TBXAS1: variants seen among roughly 807,000 people sequenced by gnomAD.
TBXAS1 encodes the protein thromboxane A synthase 1, also known as thromboxane-A synthase.
TBXAS1 carries 48 observed loss-of-function variants against 60.7 expected under a neutral mutation model. The ratio of observed to expected loss-of-function variants is 0.79; its 90% CI spans 0.63 to 1.01. The LOEUF (loss-of-function observed/expected upper bound fraction) is 1.01, where lower values mean the gene tolerates loss of function less well. Among genes scored for constraint, TBXAS1 ranks in the 50% least tolerant of loss-of-function variants. The probability of loss-of-function intolerance (pLI) is 0.00; values close to 1 mark genes in which losing one functional copy is unlikely to be tolerated. For missense variants in TBXAS1, 685 were observed against 686.3 expected (o/e 1.00, Z 0.02); for synonymous variants, 287 against 269.7 (o/e 1.06, Z -0.63).
Position 139,986,749 on chromosome 7 carries a change from ATATATATGTG to A in TBXAS1, c.1135-20340_1135-20331del, listed in dbSNP as rs1569522743. 3.9e-3 allele frequency among the ~76,000 whole-genome samples: 166 copies of A among 42,168 alleles called. 3 individuals carry two copies. Among genetic ancestry groups the A allele is most frequent in the African/African-American group, 0.013 (160 of 11,914 alleles). 27.7% of individuals were successfully genotyped at this position (42,168 alleles called of 152,430 possible). On this transcript the variant is annotated intron_variant, in intron 9 of 12. Transcript: ENST00000448866. ...TATATATATATATATACATACATAT[ATATATATGTG>A]TGTGTGTGTGTGTGTGTGTGTGTGT...
chr7:139,905,005 C>CTCTTTCTCTCTTTCTT (rs1554487120), intron 3 of TBXAS1, among the ~76,000 whole-genome samples: 80 of 90,470 alleles, frequency 8.8e-4, no homozygotes, highest in Middle Eastern at 5.0e-3. Context: ...CTCTCTTTCT[C>CTCTTTCTCTCTTTCTT]TCTTTCTTTC....
At chr7:140,001,428 G>T (rs1017482844) in intron 9 of TBXAS1, among the ~76,000 whole-genome samples, 1 of 152,188 alleles carries the variant, frequency 6.6e-6, no homozygotes, top group Non-Finnish European at 1.5e-5. Context: ...CCAAGGGCCT[G>T]TCACCCAGGC....
intron 3 of TBXAS1, among the ~76,000 whole-genome samples, chr7:139,887,352 A>G (rs1803192677): frequency 6.6e-6 from 1 of 152,210 alleles, no homozygotes; most frequent in South Asian, 2.1e-4. Context: ...TCGTGCAGCT[A>G]TCATCATCGT....
intron 1 of TBXAS1, among the ~76,000 whole-genome samples, chr7:139,860,750 A>AT (rs1800903573): frequency 6.6e-6 from 1 of 152,230 alleles, no homozygotes; most frequent in Non-Finnish European, 1.5e-5. Context: ...AGTGAGGTTG[A>AT]TTTTGGACTT....
At chr7:139,839,674 A>G (rs1172943414) in intron 1 of TBXAS1, among the ~76,000 whole-genome samples, 6 of 130,028 alleles carry the variant, frequency 4.6e-5, no homozygotes, top group Non-Finnish European at 9.8e-5. Context: ...CCCTGCTTCT[A>G]CCAAAAAAAA....
chr7:139,894,702 C>A (rs1235098549), intron 3 of TBXAS1, among the ~76,000 whole-genome samples: 4 of 152,114 alleles, frequency 2.6e-5, no homozygotes, highest in Non-Finnish European at 2.9e-5. Flanking sequence ...TTGCCCTTTC[C>A]CACACTCTTT....
At chr7:139,939,770 A>G (rs1808131367) in intron 5 of TBXAS1, among the ~76,000 whole-genome samples, 1 of 152,180 alleles carries the variant, frequency 6.6e-6, no homozygotes, top group South Asian at 2.1e-4. Flanking sequence ...GGAGAAACCT[A>G]TAAAGAAGAC....
At chr7:139,809,244 T>TAGATAGAC (rs1569493107) in intron 4 of TBXAS1, among the ~76,000 whole-genome samples, 1 of 60,140 alleles carries the variant, frequency 1.7e-5, no homozygotes, top group Admixed American at 1.9e-4. Context: ...GATAGATAGA[T>TAGATAGAC]AGATAGATAG....
At chr7:139,984,923 G>GAAA (rs1812319886) in intron 9 of TBXAS1, among the ~76,000 whole-genome samples, 1 of 129,716 alleles carries the variant, frequency 7.7e-6, no homozygotes, top group African/African-American at 3.2e-5. Flanking sequence ...AAAGAAAGAA[G>GAAA]GAAAGAAAGA....
chr7:139,951,514 T>C (rs1584934546), intron 5 of TBXAS1, among the ~76,000 whole-genome samples: 1 of 142,840 alleles, frequency 7.0e-6, no homozygotes, highest in East Asian at 2.1e-4. Flanking sequence ...TCCCAGCACT[T>C]TGGGAGGCCA....
rs557619358 is a variant in TBXAS1 at position 139,975,661 on chromosome 7, G to A, written c.1134+13428G>A. 1.6e-4 allele frequency among the ~76,000 whole-genome samples: 24 copies of A among 152,268 alleles called. No homozygotes were observed. Among genetic ancestry groups the A allele is most frequent in the Admixed American group, 1.3e-3 (20 of 15,296 alleles). On this transcript the variant is annotated intron_variant, in intron 9 of 12. Coordinates refer to ENST00000448866, the MANE Select transcript of TBXAS1 (RefSeq NM_001061.7). This position sits in a 1 kb window ranked among gnomAD's most constrained non-coding sequence, Gnocchi z 4.4. ...CATCTTCATTGGTTCACCTTTGCAGGTATCATCTGTGACCTGTCATCCAGG... is the reference window on the plus strand; with the variant it reads ...CATCTTCATTGGTTCACCTTTGCAGATATCATCTGTGACCTGTCATCCAGG...
Position 139,890,207 on chromosome 7 carries a change from C to CTTTTT in TBXAS1, c.236+14592_236+14596dup, listed in dbSNP as rs57305084. Among the ~76,000 whole-genome samples the CTTTTT allele has an allele frequency of 6.2e-4, 53 of 85,618 alleles. 6 individuals are homozygous for CTTTTT. In the Middle Eastern group the frequency reaches 0.028, roughly 46 times the overall value. The allele number at this position is 85,618 out of a possible 152,430, so 56.2% of individuals were successfully genotyped here. A position where few individuals can be genotyped will look rare whatever the true frequency, so the allele number is the denominator to read the frequency against. ...CCAAGTGAGAAATTTAGGATGCAGT[C>CTTTTT]TTTTTTTTTTTTTTTTTTTTTTTTT... On this transcript the variant is annotated intron_variant, in intron 3 of 12. Coordinates refer to ENST00000448866, the MANE Select transcript of TBXAS1 (RefSeq NM_001061.7).
rs1800306904 is a variant in TBXAS1 at position 139,852,806 on chromosome 7, A to C, written c.90-19429A>C. ...AAATATTGGCTGGGTTTATGAAGAC[A>C]TAACTTCTTATCCAATTGGCAAACA... On this transcript the variant is annotated intron_variant, in intron 1 of 12. Transcript: ENST00000448866. This position sits in a 1 kb window ranked among gnomAD's most constrained non-coding sequence, Gnocchi z 4.4. Among the ~76,000 whole-genome samples the C allele has an allele frequency of 1.3e-5, 2 of 152,170 alleles. No homozygotes were observed. The highest frequency in any genetic ancestry group is 6.5e-5 in the Admixed American group (1 of 15,278).
intron 9 of TBXAS1, among the ~76,000 whole-genome samples, chr7:139,967,058 G>A (rs1810847172): frequency 6.6e-6 from 1 of 152,242 alleles, no homozygotes; most frequent in Non-Finnish European, 1.5e-5. Context: ...CTGCCAGGGA[G>A]ACAGGCTCCA....
At chr7:139,786,362 G>A (rs1291798583) in intron 3 of TBXAS1, among the ~76,000 whole-genome samples, 1 of 152,032 alleles carries the variant, frequency 6.6e-6, no homozygotes, top group Non-Finnish European at 1.5e-5. Flanking sequence ...ATGAGAAAGG[G>A]TATACTTCTA....
intron 9 of TBXAS1, among the ~76,000 whole-genome samples, chr7:139,971,947 G>A (rs1028012699): frequency 1.3e-5 from 2 of 152,104 alleles, no homozygotes; most frequent in African/African-American, 4.8e-5. Flanking sequence ...CTGACCCACT[G>A]CCCCCTGGGA....
rs528185539 is a variant in TBXAS1, at chr7:139,912,770, G to A, written c.333+1449G>A. ...GAGAAAGTCCCCCTGCCTGTGTTCC[G>A]AACTAGGTGAGCCATCCAGAGTGTG... On this transcript the variant is annotated intron_variant, in intron 4 of 12. Transcript: ENST00000448866. 3.3e-5 allele frequency among the ~76,000 whole-genome samples: 5 copies of A among 152,260 alleles called. No individual in the cohort carries two copies. In the South Asian group the frequency reaches 8.3e-4, roughly 25 times the overall value.
intron 3 of TBXAS1, among the ~76,000 whole-genome samples, chr7:139,878,885 T>G (rs1489618429): frequency 6.6e-6 from 1 of 152,192 alleles, no homozygotes; most frequent in East Asian, 1.9e-4. Flanking sequence ...TGCCACACTC[T>G]ACACTGTTGA....
chr7:139,946,671 G>A (rs566627999), intron 5 of TBXAS1, among the ~76,000 whole-genome samples: 4 of 152,284 alleles, frequency 2.6e-5, no homozygotes, highest in Non-Finnish European at 4.4e-5. Flanking sequence ...CTGGGAGGAC[G>A]GATCCCTCCA....
Sources: gnomAD v4.1 joint callset for allele counts (sites outside exome capture counted in the v4.1 genomes callset) on GRCh38, gnomAD v4.1.1 for gene constraint, Gnocchi (gnomAD v3.1) non-coding constraint, MANE v1.5 for transcripts, NCBI Gene and HGNC (gene_info 2026-07-23, HGNC 2026-07-21) for gene names.